SPTBN2: variants seen among roughly 807,000 people sequenced by gnomAD.
SPTBN2 encodes spectrin beta chain, non-erythrocytic 2.
A neutral mutation model predicts 284.2 loss-of-function variants in SPTBN2; 107 were observed. The ratio of observed to expected loss-of-function variants is 0.38; its 90% CI spans 0.32 to 0.44. SPTBN2 has a LOEUF of 0.44. Ranked by LOEUF, SPTBN2 falls within the 20% of genes least tolerant of loss-of-function variation. The pLI is 1.00. For synonymous variants in SPTBN2, 1,289 were observed against 1,354.8 expected, an observed-to-expected ratio of 0.95 and a Z score of 1.07; for missense variants, 2,569 against 3,287.1, an observed-to-expected ratio of 0.78 and a Z score of 5.34.
At chr11:66,736,855 C>A (rs115681989) in intron 1 of SPTBN2, among the ~76,000 whole-genome samples, 1,646 of 152,294 alleles carry the variant, frequency 0.011, 37 homozygotes, top group African/African-American at 0.037. Flanking sequence ...TGTGCTGTGG[C>A]GCACAGCTAG....
At chr11:66,716,085 A>G in intron 3 of SPTBN2, 104 bp from the exon 4 acceptor site, 1 of 1,502,494 alleles carries the variant, frequency 6.7e-7, no homozygotes, top group Non-Finnish European at 9.2e-7. Context: ...AGAGATGGGA[A>G]GCGGGGTCCT....
At position 66,685,784 on chromosome 11, in the gene SPTBN2, T is replaced by C; in HGVS notation, c.*87A>G. 1 of 1,298,456 alleles carries C rather than the reference T, an allele frequency of 7.7e-7. No individual in the cohort carries two copies. The highest frequency in any genetic ancestry group is 1.1e-6 in the Non-Finnish European group (1 of 899,512). The allele number at this position is 1,298,456 out of a possible 1,614,324, so 80.4% of individuals were successfully genotyped here. A position where few individuals can be genotyped will look rare whatever the true frequency, so the allele number is the denominator to read the frequency against. ...GCAACAGACCCTAGCAGCAGGCAGT[T>C]GTCCTGACAAGAGGGCGGTCCCTGT... On this transcript the variant is annotated 3_prime_UTR_variant, in exon 38 of 38. Coordinates refer to ENST00000533211, the MANE Select transcript of SPTBN2 (RefSeq NM_006946.4). The surrounding 1 kb of genome is among the most constrained non-coding windows in gnomAD (Gnocchi z 4.4).
chr11:66,714,693 G>A (rs536276115), intron 5 of SPTBN2, among the ~76,000 whole-genome samples: 2 of 152,258 alleles, frequency 1.3e-5, no homozygotes, highest in South Asian at 4.1e-4. Flanking sequence ...TTTTCTGAGA[G>A]CTGGCTCTCC....
chr11:66,726,269 G>A (rs1045145353), intron 1 of SPTBN2, among the ~76,000 whole-genome samples: 2 of 152,202 alleles, frequency 1.3e-5, no homozygotes, highest in African/African-American at 4.8e-5. Flanking sequence ...TTTCAGGGTT[G>A]AGCTCAACAG....
intron 8 of SPTBN2, 31 bp from the exon 9 acceptor site, chr11:66,711,060 C>T (rs1177164613): frequency 1.9e-6 from 3 of 1,582,654 alleles, no homozygotes; most frequent in Non-Finnish European, 2.6e-6. Context: ...GGTCAGGCCT[C>T]CCAGAAGTTC....
In SPTBN2 at chr11:66,708,556, G is replaced by A. The variant is rs781639733; in HGVS notation, c.1192-257C>T. Among the ~76,000 whole-genome samples, 1 of 152,208 alleles carries A rather than the reference G, an allele frequency of 6.6e-6. No individual in the cohort carries two copies. Among genetic ancestry groups the A allele is most frequent in the African/African-American group, 2.4e-5 (1 of 41,438 alleles). ...CCTTTGTGTTGGCAGGACTGTGTGCGAACCTTATTTTTACTTTTAGTAATC... is the reference window on the plus strand; with the variant it reads ...CCTTTGTGTTGGCAGGACTGTGTGCAAACCTTATTTTTACTTTTAGTAATC... On this transcript the variant is annotated intron_variant, in intron 11 of 37. Transcript: ENST00000533211. The surrounding 1 kb of genome is among the most constrained non-coding windows in gnomAD (Gnocchi z 4.4).
upstream of SPTBN2, among the ~76,000 whole-genome samples, chr11:66,731,292 G>T (rs1409954852): frequency 6.6e-6 from 1 of 152,192 alleles, no homozygotes; most frequent in Non-Finnish European, 1.5e-5. Context: ...TTGGAAACTT[G>T]TTATTTTGCT....
intron 8 of SPTBN2, 63 bp from the exon 9 acceptor site, chr11:66,711,092 C>T (rs879617758): frequency 2.2e-6 from 3 of 1,392,470 alleles, no homozygotes; most frequent in Non-Finnish European, 3.1e-6. Context: ...GCATCACTTA[C>T]CCCAAACCCT....
chr11:66,701,200 A>G lies in SPTBN2; in HGVS notation c.2899T>C (p.Cys967Arg). The G allele has an allele frequency of 6.2e-7, 1 of 1,612,908 alleles. No homozygotes were observed. The highest frequency in any genetic ancestry group is 8.5e-7 in the Non-Finnish European group (1 of 1,179,998). Residue 967 changes from cysteine (C) to arginine (R), a missense_variant, in exon 17 of 38, where the codon TGC (cysteine) becomes CGC (arginine). Physicochemically the swap from Cys to Arg is radical, Grantham distance 180. Coordinates refer to ENST00000533211, the MANE Select transcript of SPTBN2 (RefSeq NM_006946.4). Reference sequence around the variant, plus strand: ...CTCATCCAGGCCTGGGTCTCCGTGCACTCTAAGTGGTAGTTCTGGATGCTC... The same window carrying G: ...CTCATCCAGGCCTGGGTCTCCGTGCGCTCTAAGTGGTAGTTCTGGATGCTC... ...ALSIQNYHLECTETQAWMREK... is the reference protein window; with the variant it reads ...ALSIQNYHLERTETQAWMREK...
In SPTBN2 at chr11:66,692,536, A is replaced by T. The variant is rs2135350453; in HGVS notation, c.5190T>A (p.Thr1730=). The stretch of plus-strand genomic sequence containing the variant: ...AGCTGGGTGCCCTCCCTACACTCAC[A>T]GTCACATGCTCGTAGTCCTGGCCCA... ...HELGQDYEHV[T]MLRDKFREFS... is the part of the protein sequence containing the mutation. The change falls in exon 26 of 38, where the codon ACT becomes ACA. Residue 1730 remains threonine (T), a splice_region_variant and synonymous_variant. Transcript: ENST00000533211. 1 of 1,602,068 alleles carries T rather than the reference A, an allele frequency of 6.2e-7. No individual in the cohort carries two copies. The highest frequency in any genetic ancestry group is 2.2e-5 in the East Asian group (1 of 44,864).
At chr11:66,713,319 T>TG (rs1941974960) in intron 8 of SPTBN2, among the ~76,000 whole-genome samples, 1 of 151,904 alleles carries the variant, frequency 6.6e-6, no homozygotes, top group Non-Finnish European at 1.5e-5. Flanking sequence ...TATATTTTTT[T>TG]TGGGGGGGAG....
In SPTBN2 at chr11:66,722,121, G is replaced by T. The variant is rs61537930; in HGVS notation, c.-113-681C>A. Among the ~76,000 whole-genome samples, 5 of 152,260 alleles carry T rather than the reference G, an allele frequency of 3.3e-5. No homozygotes were observed. In the East Asian group the frequency reaches 9.6e-4, roughly 29 times the overall value. On this transcript the variant is annotated intron_variant, in intron 1 of 37. Coordinates refer to ENST00000533211, the MANE Select transcript of SPTBN2 (RefSeq NM_006946.4). ...AGGAGGACACAGTATGCTTCTCTCCGCTTTGTTTCCTTTGGTTTGCCACAG... is the reference window on the plus strand; with the variant it reads ...AGGAGGACACAGTATGCTTCTCTCCTCTTTGTTTCCTTTGGTTTGCCACAG...
At chr11:66,702,530 T>A (rs1452041940) in intron 15 of SPTBN2, among the ~76,000 whole-genome samples, 3 of 152,298 alleles carry the variant, frequency 2.0e-5, no homozygotes, top group South Asian at 4.1e-4. Context: ...ATGGTAAATA[T>A]TATAGGCTTC....
At chr11:66,727,309 AC>A (rs1276363472) in intron 1 of SPTBN2, among the ~76,000 whole-genome samples, 1 of 151,966 alleles carries the variant, frequency 6.6e-6, no homozygotes, top group African/African-American at 2.4e-5. Flanking sequence ...CATACCTGAA[AC>A]CCCCGGGCTC....
Position 66,710,456 on chromosome 11 carries a change from T to C in SPTBN2, c.1073+126A>G. On this transcript the variant is annotated intron_variant, in intron 10 of 37. Coordinates refer to ENST00000533211, the MANE Select transcript of SPTBN2 (RefSeq NM_006946.4). The surrounding 1 kb of genome is among the most constrained non-coding windows in gnomAD (Gnocchi z 4.9). ...GTATCAACTATGTTGTTTGGATGCT[T>C]CTGGTGTGGGAAATCTCCACTGCAT... 1.1e-6 allele frequency: 1 copy of C among 944,776 alleles called. No homozygotes were observed. Among genetic ancestry groups the C allele is most frequent in the Non-Finnish European group, 1.6e-6 (1 of 612,532 alleles). The allele number at this position is 944,776 out of a possible 1,614,324, so 58.5% of individuals were successfully genotyped here. A position where few individuals can be genotyped will look rare whatever the true frequency, so the allele number is the denominator to read the frequency against.
At chr11:66,689,722 AT>A in intron 29 of SPTBN2, 82 bp downstream of exon 29, 1 of 1,588,678 alleles carries the variant, frequency 6.3e-7, no homozygotes, top group Non-Finnish European at 8.6e-7. Flanking sequence ...CAAAGAGAGA[AT>A]GAGAGGAAGC....
chr11:66,719,961 G>T (rs1209820839), intron 3 of SPTBN2, among the ~76,000 whole-genome samples: 2 of 152,192 alleles, frequency 1.3e-5, no homozygotes, highest in South Asian at 4.1e-4. Context: ...AAATGAGAAG[G>T]GGTCCTGGGA....
At chr11:66,703,786 G>T (rs1941376610) in intron 15 of SPTBN2, among the ~76,000 whole-genome samples, 1 of 151,806 alleles carries the variant, frequency 6.6e-6, no homozygotes, top group Non-Finnish European at 1.5e-5. Context: ...TGGTATTGTG[G>T]TTCTATAAAA....
In SPTBN2 at chr11:66,685,680, TAAAC is replaced by T. The variant is rs1940060690; in HGVS notation, c.*187_*190del. 1.6e-6 allele frequency: 1 copy of T among 618,832 alleles called. No homozygotes were observed. Among genetic ancestry groups the T allele is most frequent in the Admixed American group, 2.5e-5 (1 of 39,338 alleles). The allele number at this position is 618,832 out of a possible 1,614,324, so 38.3% of individuals were successfully genotyped here. On this transcript the variant is annotated 3_prime_UTR_variant, in exon 38 of 38. Coordinates refer to ENST00000533211, the MANE Select transcript of SPTBN2 (RefSeq NM_006946.4). This position sits in a 1 kb window ranked among gnomAD's most constrained non-coding sequence, Gnocchi z 4.4. ...CTGGGTCCCACCACCAGTCTGGAAT[TAAAC>T]AGCAGAAGAGAAGGGCTGCCCTTGG...
Sources: gnomAD v4.1 joint callset for allele counts (sites outside exome capture counted in the v4.1 genomes callset) on GRCh38, gnomAD v4.1.1 for gene constraint, Gnocchi (gnomAD v3.1) non-coding constraint, MANE v1.5 for transcripts, NCBI Gene and HGNC (gene_info 2026-07-23, HGNC 2026-07-21) for gene names.